Variants in SNAP29 observed in about 807,000 individuals in gnomAD.
SNAP29 encodes the protein synaptosomal-associated protein 29.
In SNAP29, 13 loss-of-function variants were observed where a neutral mutation model predicts 27.9. That is an observed-to-expected ratio of 0.47 (90% CI 0.30 to 0.74). The LOEUF (loss-of-function observed/expected upper bound fraction) is 0.74, where lower values mean the gene tolerates loss of function less well. Ranked by LOEUF, SNAP29 falls within the 30% of genes least tolerant of loss-of-function variation. The pLI is 0.06. For missense variants in SNAP29, 368 were observed against 336.5 expected (o/e 1.09, Z -0.73); for synonymous variants, 119 against 127.1 (o/e 0.94, Z 0.43).
At chr22:20,883,343 G>A in intron 3 of SNAP29, 128 bp from the exon 4 acceptor site, 1 of 686,858 alleles carries the variant, frequency 1.5e-6, no homozygotes, top group Non-Finnish European at 2.7e-6. Flanking sequence ...TCATCCCTCT[G>A]GATAGCCTCA....
chr22:20,859,423 C>G, intron 1 of SNAP29, 76 bp downstream of exon 1: 1 of 1,116,540 alleles, frequency 9.0e-7, no homozygotes, highest in Non-Finnish European at 1.4e-6. Flanking sequence ...GTTTTGCTCA[C>G]AATCTTTTGA....
rs553271312 is a variant in SNAP29 at position 20,883,719 on chromosome 22, T to C, written c.619+150T>C. On this transcript the variant is annotated intron_variant, in intron 4 of 4. Coordinates refer to ENST00000215730, the MANE Select transcript of SNAP29 (RefSeq NM_004782.4). ...AGCTGGGTCCATCTTGCCACCTCAC[T>C]GTCTCTGGAATCTCTCCACTTCTCA... 14 of 703,284 alleles carry C rather than the reference T, an allele frequency of 2.0e-5. No individual in the cohort carries two copies. The Admixed American group carries it at 2.1e-4, about 11-fold the overall frequency. The allele number at this position is 703,284 out of a possible 1,614,324, so 43.6% of individuals were successfully genotyped here. A position where few individuals can be genotyped will look rare whatever the true frequency, so the allele number is the denominator to read the frequency against.
At position 20,876,496 on chromosome 22, in the gene SNAP29, G is replaced by C. The variant is rs117143753; in HGVS notation, c.435-4553G>C. Among the ~76,000 whole-genome samples the C allele has an allele frequency of 5.9e-3, 891 of 150,534 alleles. 8 individuals are homozygous for C. The highest frequency in any genetic ancestry group is 0.055 in the East Asian group (277 of 5,032). On this transcript the variant is annotated intron_variant, in intron 2 of 4. Transcript: ENST00000215730. Reference sequence around the variant, plus strand: ...TGATCTCAACCACCTGGGCTCAACTGATCTTCCCGCCTCAGCCTCCCAAAG... The same window carrying C: ...TGATCTCAACCACCTGGGCTCAACTCATCTTCCCGCCTCAGCCTCCCAAAG...
At chr22:20,881,207 G>C (rs1928883652) in intron 3 of SNAP29, 73 bp downstream of exon 3, 1 of 1,043,380 alleles carries the variant, frequency 9.6e-7, no homozygotes, top group East Asian at 2.5e-5. Flanking sequence ...GTTGGTCCTT[G>C]GGGGGCAGTG....
intron 2 of SNAP29, among the ~76,000 whole-genome samples, chr22:20,879,633 G>A (rs900748171): frequency 6.6e-6 from 1 of 151,958 alleles, no homozygotes; most frequent in Non-Finnish European, 1.5e-5. Context: ...ATCACCTGAG[G>A]TCAGGAGTTC....
chr22:20,888,490 GTATAT>G lies in SNAP29; in HGVS notation c.*657_*661del, dbSNP rs1236174317. 2 of 162,944 alleles carry G rather than the reference GTATAT, an allele frequency of 1.2e-5. No homozygotes were observed. Among genetic ancestry groups the G allele is most frequent in the Non-Finnish European group, 2.7e-5 (2 of 74,552 alleles). 10.1% of individuals were successfully genotyped at this position (162,944 alleles called of 1,614,324 possible). A position where few individuals can be genotyped will look rare whatever the true frequency, so the allele number is the denominator to read the frequency against. The stretch of plus-strand genomic sequence containing the variant: ...CCCTCCAGCCCCCCATCCTTGGCAT[GTATAT>G]TAGTAGGAGGGCTTCACACCAGCAC... On this transcript the variant is annotated 3_prime_UTR_variant, in exon 5 of 5. Transcript: ENST00000215730.
At chr22:20,873,237 C>T (rs1297239248) in intron 2 of SNAP29, among the ~76,000 whole-genome samples, 2 of 150,764 alleles carry the variant, frequency 1.3e-5, no homozygotes, top group Non-Finnish European at 3.0e-5. Flanking sequence ...TCTTGAACTC[C>T]TGGCCTCAAG....
In SNAP29 at chr22:20,870,333, C is replaced by T. The variant is rs1928557884; in HGVS notation, c.238-4C>T. On this transcript the variant is annotated splice_polypyrimidine_tract_variant and splice_region_variant and intron_variant, in intron 1 of 4. Transcript: ENST00000215730. ...ATAATGCCACTGCCTCTCGGTTTCC[C>T]CAGGAGCTCGCCCGTCAGCGAGGAG... The T allele has an allele frequency of 3.1e-6, 5 of 1,613,950 alleles. No individual in the cohort carries two copies. The highest frequency in any genetic ancestry group is 3.3e-5 in the Admixed American group (2 of 60,004).
chr22:20,876,905 A>C (rs1928760367), intron 2 of SNAP29, among the ~76,000 whole-genome samples: 1 of 151,990 alleles, frequency 6.6e-6, no homozygotes, highest in Admixed American at 6.6e-5. Context: ...TATCACACAA[A>C]CCCTTCGGCC....
intron 4 of SNAP29, among the ~76,000 whole-genome samples, chr22:20,884,284 A>G (rs1360641624): frequency 5.3e-5 from 8 of 151,802 alleles, no homozygotes; most frequent in Non-Finnish European, 1.0e-4. Flanking sequence ...GTGAGCCAAG[A>G]TCGCACCATT....
chr22:20,870,708 C>T (rs1928571366), intron 2 of SNAP29, 175 bp downstream of exon 2: 1 of 680,506 alleles, frequency 1.5e-6, no homozygotes, highest in Non-Finnish European at 2.6e-6. Context: ...CTTCCCTGAT[C>T]CCATGTTCAC....
intron 4 of SNAP29, among the ~76,000 whole-genome samples, chr22:20,886,952 G>A (rs62238482): frequency 0.027 from 4,041 of 152,008 alleles, 91 homozygotes; most frequent in Non-Finnish European, 0.04. Flanking sequence ...GGCCGGGCGC[G>A]GTGGCTCACG....
chr22:20,859,257 C>G lies in SNAP29; in HGVS notation c.147C>G (p.Val49=). 2 of 1,605,506 alleles carry G rather than the reference C, an allele frequency of 1.2e-6. No homozygotes were observed. Among genetic ancestry groups the G allele is most frequent in the Non-Finnish European group, 1.7e-6 (2 of 1,177,556 alleles). ...ADRQQYLRQE[V]LRRAEATAAS... ...GGCAGCAGTACTTGCGGCAGGAGGTCCTCCGCAGGGCTGAGGCCACGGCCG... is the reference window on the plus strand; with the variant it reads ...GGCAGCAGTACTTGCGGCAGGAGGTGCTCCGCAGGGCTGAGGCCACGGCCG... The change falls in exon 1 of 5, where the codon GTC becomes GTG. Residue 49 remains valine (V), a synonymous_variant. Transcript: ENST00000215730.
intron 2 of SNAP29, among the ~76,000 whole-genome samples, chr22:20,874,355 A>C (rs1199247785): frequency 4.8e-4 from 1 of 2,066 alleles, no homozygotes; most frequent in Non-Finnish European, 9.6e-4. Context: ...TTAGCCACAC[A>C]CACACACACA....
intron 4 of SNAP29, among the ~76,000 whole-genome samples, chr22:20,885,193 G>A (rs1334868434): frequency 6.6e-6 from 1 of 152,126 alleles, no homozygotes; most frequent in Non-Finnish European, 1.5e-5. Flanking sequence ...TCCTCCTACC[G>A]CTACTCCCTG....
In SNAP29 at chr22:20,889,974, T is replaced by C. The variant is rs1303277996; in HGVS notation, c.*2138T>C. On this transcript the variant is annotated 3_prime_UTR_variant, in exon 5 of 5. Transcript: ENST00000215730. ...TTTTTTTTTCTTAACCCCAGGTATA[T>C]GGAAGGGGAGTTGCCTTCACTTTTC... 3.3e-6 allele frequency: 1 copy of C among 304,696 alleles called. No homozygotes were observed. The highest frequency in any genetic ancestry group is 2.1e-5 in the African/African-American group (1 of 46,640). The allele number at this position is 304,696 out of a possible 1,614,324, so 18.9% of individuals were successfully genotyped here. A position where few individuals can be genotyped will look rare whatever the true frequency, so the allele number is the denominator to read the frequency against.
intron 1 of SNAP29, among the ~76,000 whole-genome samples, chr22:20,861,937 A>T (rs984606892): frequency 6.6e-6 from 1 of 152,000 alleles, no homozygotes; most frequent in African/African-American, 2.4e-5. Flanking sequence ...CTGGCCTCTG[A>T]TTTTTGTATT....
At chr22:20,880,840 T>G (rs1256161406) in intron 2 of SNAP29, among the ~76,000 whole-genome samples, 1 of 152,158 alleles carries the variant, frequency 6.6e-6, no homozygotes, top group Non-Finnish European at 1.5e-5. Flanking sequence ...GCTGCCACAC[T>G]TCTGAGGCAG....
intron 3 of SNAP29, among the ~76,000 whole-genome samples, chr22:20,881,918 T>C (rs1391848602): frequency 5.9e-5 from 9 of 152,114 alleles, no homozygotes; most frequent in Admixed American, 5.9e-4. Context: ...CAATTGCTAA[T>C]CAGCAAGATG....
Sources: allele counts gnomAD v4.1 joint callset (sites outside exome capture counted in the v4.1 genomes callset), GRCh38; gene constraint gnomAD v4.1.1; transcripts MANE v1.5; gene names NCBI Gene and HGNC (gene_info 2026-07-23, HGNC 2026-07-21).